TAF13: variants seen among roughly 807,000 people sequenced by gnomAD.
TAF13 encodes the protein transcription initiation factor TFIID subunit 13.
TAF13 carries 9 observed loss-of-function variants against 18.7 expected under a neutral mutation model. The observed-to-expected ratio is 0.48, with a 90% CI of 0.29 to 0.84. TAF13 has a LOEUF of 0.84. Ranked by LOEUF, TAF13 falls within the 40% of genes least tolerant of loss-of-function variation. The probability of loss-of-function intolerance (pLI) is 0.08; values close to 1 mark genes in which losing one functional copy is unlikely to be tolerated. For synonymous variants in TAF13, 49 were observed against 44.1 expected (o/e 1.11, Z -0.44); for missense variants, 105 against 146.5 (o/e 0.72, Z 1.46).
intron 2 of TAF13, among the ~76,000 whole-genome samples, chr1:109,066,595 G>A (rs1232113662): frequency 7.2e-5 from 11 of 152,160 alleles, no homozygotes; most frequent in Non-Finnish European, 1.6e-4. Flanking sequence ...AGCCTTTTTT[G>A]GAGGTGGTTT....
chr1:109,068,560 C>T (rs944544022), intron 2 of TAF13, among the ~76,000 whole-genome samples: 1 of 151,926 alleles, frequency 6.6e-6, no homozygotes, highest in Non-Finnish European at 1.5e-5. Flanking sequence ...GTTGCCCAGG[C>T]TGGTCTTGAA....
chr1:109,064,973 A>G (rs562965851), intron 3 of TAF13, among the ~76,000 whole-genome samples: 2 of 151,688 alleles, frequency 1.3e-5, no homozygotes, highest in Non-Finnish European at 1.5e-5. Flanking sequence ...ATATATGTAG[A>G]TTTTGTCTTC....
chr1:109,064,932 G>C (rs988291772), intron 3 of TAF13, among the ~76,000 whole-genome samples: 14 of 151,972 alleles, frequency 9.2e-5, no homozygotes, highest in African/African-American at 3.1e-4. Context: ...CATGAAAGCT[G>C]TCAACTTTAT....
At chr1:109,067,340 C>T (rs559865759) in intron 2 of TAF13, among the ~76,000 whole-genome samples, 16 of 151,968 alleles carry the variant, frequency 1.1e-4, no homozygotes, top group African/African-American at 3.9e-4. Flanking sequence ...TGGTGGCTCA[C>T]GCCTGTAATC....
At chr1:109,072,014 AC>A (rs1664073832) in intron 2 of TAF13, among the ~76,000 whole-genome samples, 1 of 2,648 alleles carries the variant, frequency 3.8e-4, no homozygotes, top group African/African-American at 1.1e-3. Context: ...ATATATATAT[AC>A]ACACACATAT....
At chr1:109,068,260 A>C (rs1227783276) in intron 2 of TAF13, among the ~76,000 whole-genome samples, 4 of 152,172 alleles carry the variant, frequency 2.6e-5, no homozygotes, top group Non-Finnish European at 5.9e-5. Flanking sequence ...TTTAGCCTCC[A>C]AGTAGCTGGG....
At chr1:109,069,542 C>T (rs563749501) in intron 2 of TAF13, among the ~76,000 whole-genome samples, 3 of 151,706 alleles carry the variant, frequency 2.0e-5, no homozygotes, top group Non-Finnish European at 2.9e-5. Context: ...TCCATGGATG[C>T]AGAACCCATG....
intron 3 of TAF13, among the ~76,000 whole-genome samples, chr1:109,065,613 T>C (rs1663938106): frequency 6.6e-6 from 1 of 152,060 alleles, no homozygotes; most frequent in Admixed American, 6.6e-5. Context: ...AAGGATTTTA[T>C]AATTATGTCC....
At chr1:109,066,860 C>T (rs1663959455) in intron 2 of TAF13, among the ~76,000 whole-genome samples, 1 of 152,072 alleles carries the variant, frequency 6.6e-6, no homozygotes. Flanking sequence ...GCTGGGACTA[C>T]AGGCACCCAC....
At position 109,075,927 on chromosome 1, in the gene TAF13, GTCT is replaced by G; in HGVS notation, c.18_20del (p.Glu6del). The G allele has an allele frequency of 3.1e-6, 5 of 1,614,214 alleles. No homozygotes were observed. Among genetic ancestry groups the G allele is most frequent in the Non-Finnish European group, 4.2e-6 (5 of 1,180,022 alleles). ...GACAGAGACGGTCACTCACCGTGGG[GTCT>G]TCTTCCTCATCTGCCATCCCACTAG... On this transcript the variant is annotated inframe_deletion, in exon 1 of 4. Transcript: ENST00000338366.
At chr1:109,065,761 A>G (rs1391786185) in intron 3 of TAF13, among the ~76,000 whole-genome samples, 1 of 152,084 alleles carries the variant, frequency 6.6e-6, no homozygotes. Context: ...TGTCTCTACT[A>G]AAAATACAAA....
At chr1:109,075,803 C>G in intron 1 of TAF13, 118 bp downstream of exon 1, 1 of 1,370,644 alleles carries the variant, frequency 7.3e-7, no homozygotes, top group Admixed American at 1.8e-5. Flanking sequence ...GCGTGAAGTC[C>G]CCGAACTCTG....
At chr1:109,065,360 G>A (rs1309056756) in intron 3 of TAF13, among the ~76,000 whole-genome samples, 1 of 151,914 alleles carries the variant, frequency 6.6e-6, no homozygotes, top group Non-Finnish European at 1.5e-5. Flanking sequence ...ATGGTGGCAT[G>A]TGCCTGTAGT....
Position 109,064,663 on chromosome 1 carries a change from C to A in TAF13, c.235G>T (p.Gly79Cys). The part of the protein sequence containing the change: ...THKAMSIGRQ[G>C]RVQVEDIVFL... Reference sequence around the variant, plus strand: ...ACGATATCTTCAACTTGTACTCGACCTTGTCTTCCAATTGACATTGCCTTG... The same window carrying A: ...ACGATATCTTCAACTTGTACTCGACATTGTCTTCCAATTGACATTGCCTTG... Residue 79 changes from glycine (G) to cysteine (C), a missense_variant, in exon 4 of 4, where the codon GGT (glycine) becomes TGT (cysteine). Gly to Cys is a radical substitution (Grantham distance 159). Transcript: ENST00000338366. The A allele has an allele frequency of 6.5e-7, 1 of 1,536,222 alleles. No individual in the cohort carries two copies. Among genetic ancestry groups the A allele is most frequent in the East Asian group, 2.4e-5 (1 of 41,108 alleles).
At chr1:109,073,795 G>A (rs560252222) in intron 2 of TAF13, among the ~76,000 whole-genome samples, 1 of 152,324 alleles carries the variant, frequency 6.6e-6, no homozygotes, top group East Asian at 1.9e-4. Flanking sequence ...ACCCCGTCTA[G>A]GAATTGAGGA....
chr1:109,064,416 C>T lies in TAF13; in HGVS notation c.*107G>A. Reference sequence around the variant, plus strand: ...AATAAAGGCTGAAAACTTTGTGTTTCTCCATCTTTCATTTACATGGCTAGA... The same window carrying T: ...AATAAAGGCTGAAAACTTTGTGTTTTTCCATCTTTCATTTACATGGCTAGA... On this transcript the variant is annotated 3_prime_UTR_variant, in exon 4 of 4. Coordinates refer to ENST00000338366, the MANE Select transcript of TAF13 (RefSeq NM_005645.4). The T allele has an allele frequency of 9.3e-7, 1 of 1,078,614 alleles. No homozygotes were observed. The highest frequency in any genetic ancestry group is 1.2e-6 in the Non-Finnish European group (1 of 811,354). 66.8% of individuals were successfully genotyped at this position (1,078,614 alleles called of 1,614,324 possible).
intron 3 of TAF13, among the ~76,000 whole-genome samples, chr1:109,065,530 T>C (rs910732522): frequency 1.3e-5 from 2 of 148,750 alleles, no homozygotes; most frequent in African/African-American, 5.0e-5. Context: ...TATCTTTAAA[T>C]ACTGGAAAAG....
intron 2 of TAF13, among the ~76,000 whole-genome samples, chr1:109,073,976 G>A (rs961215841): frequency 6.6e-6 from 1 of 151,868 alleles, no homozygotes; most frequent in South Asian, 2.1e-4. Context: ...CCTCTGCCCG[G>A]CCACGACCCC....
intron 3 of TAF13, among the ~76,000 whole-genome samples, chr1:109,065,875 C>T (rs1023703860): frequency 2.0e-5 from 3 of 149,592 alleles, no homozygotes; most frequent in Admixed American, 1.3e-4. Flanking sequence ...GAGCCAAGAT[C>T]GTGCCATTGC....
Sources: gnomAD v4.1 joint callset for allele counts (sites outside exome capture counted in the v4.1 genomes callset) on GRCh38, gnomAD v4.1.1 for gene constraint, MANE v1.5 for transcripts, NCBI Gene and HGNC (gene_info 2026-07-23, HGNC 2026-07-21) for gene names.